Variants in CTNND2 observed in about 807,000 individuals in gnomAD.
CTNND2 encodes catenin delta 2.
In CTNND2, 22 loss-of-function variants were observed where a neutral mutation model predicts 144.4. That is an observed-to-expected ratio of 0.15 (90% confidence interval 0.11 to 0.22). The LOEUF is 0.22. Ranked by LOEUF, CTNND2 falls within the 10% of genes least tolerant of loss-of-function variation. The probability of loss-of-function intolerance (pLI) is 1.00; values close to 1 mark genes in which losing one functional copy is unlikely to be tolerated. For missense variants in CTNND2, 1,353 were observed against 1,618.8 expected (o/e 0.84, Z 2.82); for synonymous variants, 751 against 695.6 (o/e 1.08, Z -1.25).
At chr5:11,249,267 G>A (rs1308704809) in intron 9 of CTNND2, among the ~76,000 whole-genome samples, 3 of 152,186 alleles carry the variant, frequency 2.0e-5, no homozygotes, top group Admixed American at 1.3e-4. Flanking sequence ...ATCCAACCGA[G>A]GGCATCAGGA....
intron 2 of CTNND2, among the ~76,000 whole-genome samples, chr5:11,591,986 C>T (rs530070983): frequency 6.6e-6 from 1 of 151,976 alleles, no homozygotes; most frequent in Non-Finnish European, 1.5e-5. Flanking sequence ...TACCCACCCC[C>T]CAACCCCTGA....
intron 12 of CTNND2, among the ~76,000 whole-genome samples, chr5:11,132,940 A>T (rs1755763677): frequency 6.6e-6 from 1 of 151,176 alleles, no homozygotes; most frequent in Non-Finnish European, 1.5e-5. Context: ...TACTTGAGGC[A>T]AAGAACAAGA....
chr5:11,852,021 C>T (rs1306206981), intron 1 of CTNND2, among the ~76,000 whole-genome samples: 4 of 152,176 alleles, frequency 2.6e-5, no homozygotes, highest in Non-Finnish European at 5.9e-5. Context: ...TTTCCTGTTA[C>T]ACATTTACAA....
intron 2 of CTNND2, among the ~76,000 whole-genome samples, chr5:11,625,010 AAAG>A (rs1258330215): frequency 6.6e-6 from 1 of 152,100 alleles, no homozygotes. Flanking sequence ...AAAAAAAAAC[AAAG>A]TATTTTTGAA....
rs146419910 is a variant in CTNND2 at position 11,183,779 on chromosome 5, G to A, written c.1975+15669C>T. ...TTATCATGTTGGCCAGGCTGGTCTC[G>A]AACCCCTGACCTCAAGTGATCCAAT... On this transcript the variant is annotated intron_variant, in intron 11 of 21. Coordinates refer to ENST00000304623, the MANE Select transcript of CTNND2 (RefSeq NM_001332.4). Among the ~76,000 whole-genome samples the A allele has an allele frequency of 2.3e-3, 342 of 151,806 alleles. 2 individuals carry two copies. Among genetic ancestry groups the A allele is most frequent in the African/African-American group, 7.7e-3 (318 of 41,398 alleles).
chr5:11,626,760 C>A (rs950882466), intron 2 of CTNND2, among the ~76,000 whole-genome samples: 1 of 152,162 alleles, frequency 6.6e-6, no homozygotes, highest in African/African-American at 2.4e-5. Context: ...GAAATATTTG[C>A]TCCATACAAA....
At chr5:11,585,255 A>G (rs962607727) in intron 2 of CTNND2, among the ~76,000 whole-genome samples, 13 of 152,292 alleles carry the variant, frequency 8.5e-5, no homozygotes, top group African/African-American at 3.1e-4. Context: ...GTGTTGGAAC[A>G]TAAGCAATTG....
intron 2 of CTNND2, among the ~76,000 whole-genome samples, chr5:11,623,500 TG>T (rs1204070173): frequency 2.0e-5 from 3 of 151,958 alleles, no homozygotes; most frequent in Non-Finnish European, 4.4e-5. Context: ...CACATGAAAC[TG>T]TGAGTCCATT....
chr5:11,635,349 T>C (rs1781628143), intron 2 of CTNND2, among the ~76,000 whole-genome samples: 1 of 151,994 alleles, frequency 6.6e-6, no homozygotes, highest in Non-Finnish European at 1.5e-5. Flanking sequence ...GTCCTACTAC[T>C]AAGCATGAGG....
intron 7 of CTNND2, among the ~76,000 whole-genome samples, chr5:11,370,935 A>G (rs6887317): frequency 0.64 from 97,744 of 152,120 alleles, 31,918 homozygotes; most frequent in Admixed American, 0.73. Context: ...ATGAAGAAAA[A>G]TCCAAAATAA....
At chr5:11,792,347 C>G (rs1421038137) in intron 1 of CTNND2, among the ~76,000 whole-genome samples, 1 of 151,990 alleles carries the variant, frequency 6.6e-6, no homozygotes, top group Non-Finnish European at 1.5e-5. Flanking sequence ...GTACATGCCA[C>G]AAAAATCCAT....
At chr5:11,672,472 T>A (rs1423521534) in intron 2 of CTNND2, among the ~76,000 whole-genome samples, 2 of 152,258 alleles carry the variant, frequency 1.3e-5, no homozygotes, top group East Asian at 3.9e-4. Flanking sequence ...TTTTCAGAGA[T>A]GCCTTGCCCA....
At chr5:10,985,796 T>TG (rs1009995799) in intron 20 of CTNND2, among the ~76,000 whole-genome samples, 6 of 152,138 alleles carry the variant, frequency 3.9e-5, no homozygotes, top group Non-Finnish European at 8.8e-5. Context: ...TCCTGCAAGG[T>TG]GGGGGTTGTA....
At chr5:11,069,693 CAG>C (rs3032076) in intron 16 of CTNND2, among the ~76,000 whole-genome samples, 1 of 120,816 alleles carries the variant, frequency 8.3e-6, no homozygotes, top group South Asian at 2.9e-4. Context: ...GACAGAGAGA[CAG>C]AGAGAGAGAG....
intron 1 of CTNND2, among the ~76,000 whole-genome samples, chr5:11,853,504 T>C (rs1042487615): frequency 1.3e-5 from 2 of 152,124 alleles, no homozygotes; most frequent in African/African-American, 2.4e-5. Flanking sequence ...CACACCTACA[T>C]TGATGAATCT....
At chr5:11,288,267 T>G (rs761231347) in intron 9 of CTNND2, among the ~76,000 whole-genome samples, 1 of 152,216 alleles carries the variant, frequency 6.6e-6, no homozygotes, top group Non-Finnish European at 1.5e-5. Flanking sequence ...GACAATCATC[T>G]ACATTCATGT....
intron 10 of CTNND2, among the ~76,000 whole-genome samples, chr5:11,230,817 G>T (rs920980893): frequency 1.3e-5 from 2 of 152,132 alleles, no homozygotes; most frequent in Non-Finnish European, 2.9e-5. Flanking sequence ...GATCTACAAA[G>T]TATTTAAAGC....
rs183802876 is a variant in CTNND2 at position 11,526,763 on chromosome 5, A to C, written c.287+38181T>G. 2.5e-3 allele frequency among the ~76,000 whole-genome samples: 384 copies of C among 152,344 alleles called. 2 individuals are homozygous for C. The highest frequency in any genetic ancestry group is 8.8e-3 in the African/African-American group (365 of 41,586). ...CCATTCCACTCCTAGGTACACACCC[A>C]GGAGAACTGAAACAGGGACTCACAC... On this transcript the variant is annotated intron_variant, in intron 3 of 21. Coordinates refer to ENST00000304623, the MANE Select transcript of CTNND2 (RefSeq NM_001332.4).
Position 11,903,574 on chromosome 5 carries a change from G to A in CTNND2, c.37+243C>T, listed in dbSNP as rs1447623766. On this transcript the variant is annotated intron_variant, in intron 1 of 21. Transcript: ENST00000304623. This position sits in a 1 kb window ranked among gnomAD's most constrained non-coding sequence, Gnocchi z 5.4. Reference sequence around the variant, plus strand: ...GGTGGCAGGGAGGGGGAGCACGCAGGGCAGCCACTTGGTAACCGCTCCAAG... The same window carrying A: ...GGTGGCAGGGAGGGGGAGCACGCAGAGCAGCCACTTGGTAACCGCTCCAAG... Among the ~76,000 whole-genome samples the A allele has an allele frequency of 6.6e-6, 1 of 152,136 alleles. No individual in the cohort carries two copies. Among genetic ancestry groups the A allele is most frequent in the Non-Finnish European group, 1.5e-5 (1 of 68,018 alleles).
Sources: allele counts gnomAD v4.1 joint callset (sites outside exome capture counted in the v4.1 genomes callset), GRCh38; gene constraint gnomAD v4.1.1; non-coding constraint Gnocchi (gnomAD v3.1); transcripts MANE v1.5; gene names NCBI Gene and HGNC (gene_info 2026-07-23, HGNC 2026-07-21).